Variants in MTHFD1L observed in about 807,000 individuals in gnomAD.
MTHFD1L encodes the protein monofunctional C1-tetrahydrofolate synthase, mitochondrial.
Under a neutral mutation model 119.5 loss-of-function variants are expected in MTHFD1L, and 81 were observed. The ratio of observed to expected loss-of-function variants is 0.68; its 90% CI spans 0.57 to 0.82. The LOEUF is 0.82. MTHFD1L is among the 40% of genes least tolerant of loss of function. The pLI, the probability that MTHFD1L is intolerant of heterozygous loss-of-function variation, is 0.00. For missense variants in MTHFD1L, 1,125 were observed against 1,253.4 expected, an observed-to-expected ratio of 0.90 and a Z score of 1.55; for synonymous variants, 430 against 475.2, an observed-to-expected ratio of 0.90 and a Z score of 1.24.
chr6:150,942,373 G>A (rs796378638), intron 13 of MTHFD1L, among the ~76,000 whole-genome samples: 1 of 152,178 alleles, frequency 6.6e-6, no homozygotes, highest in South Asian at 2.1e-4. Context: ...CAAAGAAATT[G>A]AAATGGACTC....
At chr6:150,958,377 A>C (rs1169819965) in intron 17 of MTHFD1L, among the ~76,000 whole-genome samples, 1 of 152,186 alleles carries the variant, frequency 6.6e-6, no homozygotes, top group East Asian at 1.9e-4. Context: ...ATCACAAGTA[A>C]GCTGTAGTAA....
intron 20 of MTHFD1L, among the ~76,000 whole-genome samples, chr6:150,979,982 A>T (rs1338717432): frequency 6.6e-6 from 1 of 152,114 alleles, no homozygotes; most frequent in African/African-American, 2.4e-5. Flanking sequence ...ACCTTTAAAA[A>T]AAAAAAAAAA....
At chr6:151,087,134 A>G (rs1204154575) in intron 26 of MTHFD1L, among the ~76,000 whole-genome samples, 3 of 152,066 alleles carry the variant, frequency 2.0e-5, no homozygotes, top group Non-Finnish European at 4.4e-5. Context: ...CTGTAATCCC[A>G]GCTATTTGGG....
chr6:150,882,661 C>T (rs1781564175), intron 4 of MTHFD1L, 101 bp from the exon 5 acceptor site: 1 of 829,076 alleles, frequency 1.2e-6, no homozygotes, highest in Non-Finnish European at 1.7e-6. Context: ...CAAACTATAA[C>T]AGATGCATTT....
chr6:151,023,592 C>A (rs1784251776), intron 24 of MTHFD1L, among the ~76,000 whole-genome samples: 1 of 152,134 alleles, frequency 6.6e-6, no homozygotes, highest in Non-Finnish European at 1.5e-5. Context: ...GTGATTCTGG[C>A]AAAGCTTGCC....
intron 16 of MTHFD1L, among the ~76,000 whole-genome samples, chr6:150,955,524 G>T (rs1386414712): frequency 2.1e-5 from 3 of 146,192 alleles, no homozygotes; most frequent in Non-Finnish European, 4.5e-5. Flanking sequence ...TTTTTAGAGG[G>T]GGTCTCACTC....
At chr6:151,082,981 C>CT (rs1357474730) in intron 26 of MTHFD1L, among the ~76,000 whole-genome samples, 1 of 152,158 alleles carries the variant, frequency 6.6e-6, no homozygotes, top group Non-Finnish European at 1.5e-5. Context: ...CCAGTAGAAC[C>CT]TTTGCACTTG....
chr6:151,015,371 A>G, intron 23 of MTHFD1L, 145 bp from the exon 24 acceptor site: 1 of 909,408 alleles, frequency 1.1e-6, no homozygotes, highest in South Asian at 2.0e-5. Context: ...TTTAAGTCTG[A>G]TTTATTTAAA....
intron 24 of MTHFD1L, among the ~76,000 whole-genome samples, chr6:151,033,625 C>T (rs147527834): frequency 0.012 from 1,801 of 152,216 alleles, 29 homozygotes; most frequent in African/African-American, 0.04. Context: ...CACTTATTTG[C>T]CTGTATCTAG....
At chr6:150,874,335 C>A (rs937657180) in intron 1 of MTHFD1L, among the ~76,000 whole-genome samples, 1 of 152,188 alleles carries the variant, frequency 6.6e-6, no homozygotes, top group Non-Finnish European at 1.5e-5. Context: ...TCTGTTCCGG[C>A]CCAGCTGGCA....
chr6:151,047,014 G>A (rs1788197421), intron 26 of MTHFD1L, among the ~76,000 whole-genome samples: 1 of 152,186 alleles, frequency 6.6e-6, no homozygotes, highest in Admixed American at 6.5e-5. Flanking sequence ...ACTCGCGGCA[G>A]TTTACAGGCT....
intron 7 of MTHFD1L, among the ~76,000 whole-genome samples, chr6:150,895,037 G>A (rs1783987777): frequency 2.0e-5 from 3 of 152,234 alleles, no homozygotes. Flanking sequence ...ATATGCTGTG[G>A]AGTGTCACAT....
chr6:150,879,624 G>GTTTTT (rs551381943), intron 4 of MTHFD1L, among the ~76,000 whole-genome samples: 12 of 107,870 alleles, frequency 1.1e-4, no homozygotes, highest in African/African-American at 3.0e-4. Flanking sequence ...TGCCACTGGT[G>GTTTTT]TTTTTTTTTT....
rs556368604 is a variant in MTHFD1L at position 150,882,292 on chromosome 6, T to C, written c.418-470T>C. Among the ~76,000 whole-genome samples, 64 of 152,358 alleles carry C rather than the reference T, an allele frequency of 4.2e-4. No homozygotes were observed. In the East Asian group the frequency reaches 0.012, roughly 28 times the overall value. ...GTGACTGCTTGGACGTCATGATTAG[T>C]GAGCTGTGTTGAACACATTGTGTTT... On this transcript the variant is annotated intron_variant, in intron 4 of 27. Coordinates refer to ENST00000367321, the MANE Select transcript of MTHFD1L (RefSeq NM_015440.5).
chr6:150,887,832 A>G lies in MTHFD1L; in HGVS notation c.644-13A>G. ...GTTTTGAGTATAATATTGAATTTTC[A>G]TTTGGTTAGTAGGTGTCAACCTAGA... On this transcript the variant is annotated splice_polypyrimidine_tract_variant and intron_variant, in intron 6 of 27. Coordinates refer to ENST00000367321, the MANE Select transcript of MTHFD1L (RefSeq NM_015440.5). 6.4e-7 allele frequency: 1 copy of G among 1,570,706 alleles called. No individual in the cohort carries two copies.
intron 20 of MTHFD1L, among the ~76,000 whole-genome samples, chr6:150,974,744 T>A (rs1355256957): frequency 7.1e-5 from 10 of 141,594 alleles, no homozygotes; most frequent in Middle Eastern, 3.8e-3. Flanking sequence ...TTTTTTTTTT[T>A]ATTTTTTGTG....
At chr6:151,016,497 ATT>A (rs1783077687) in intron 24 of MTHFD1L, among the ~76,000 whole-genome samples, 2 of 151,298 alleles carry the variant, frequency 1.3e-5, no homozygotes, top group East Asian at 4.0e-4. Flanking sequence ...AAGTTTTTGT[ATT>A]TTTAGTAGAG....
At chr6:150,927,706 C>G (rs532491584) in intron 11 of MTHFD1L, among the ~76,000 whole-genome samples, 1 of 152,184 alleles carries the variant, frequency 6.6e-6, no homozygotes, top group South Asian at 2.1e-4. Context: ...ATCCACCCAC[C>G]TTGGCATCCC....
intron 2 of MTHFD1L, among the ~76,000 whole-genome samples, chr6:150,876,972 C>T (rs1378603147): frequency 6.6e-6 from 1 of 152,186 alleles, no homozygotes; most frequent in Non-Finnish European, 1.5e-5. Context: ...TAGATTAGGG[C>T]TCGGGCCTCC....
Sources: gnomAD v4.1 joint callset for allele counts (sites outside exome capture counted in the v4.1 genomes callset) on GRCh38, gnomAD v4.1.1 for gene constraint, MANE v1.5 for transcripts, NCBI Gene and HGNC (gene_info 2026-07-23, HGNC 2026-07-21) for gene names.